Variants in TMEM184B observed in about 807,000 individuals in gnomAD.
TMEM184B encodes transmembrane protein 184B, also known as putative MAPK-activating protein FM08.
A neutral mutation model predicts 41.8 loss-of-function variants in TMEM184B; 17 were observed. The ratio of observed to expected loss-of-function variants is 0.41; its 90% CI spans 0.28 to 0.61. The LOEUF (loss-of-function observed/expected upper bound fraction) is 0.61, where lower values mean the gene tolerates loss of function less well. Among genes scored for constraint, TMEM184B ranks in the 20% least tolerant of loss-of-function variants. The pLI is 0.34. For synonymous variants in TMEM184B, 240 were observed against 229.5 expected, an observed-to-expected ratio of 1.05 and a Z score of -0.41; for missense variants, 393 against 557.8, an observed-to-expected ratio of 0.70 and a Z score of 2.98.
intron 1 of TMEM184B, among the ~76,000 whole-genome samples, chr22:38,264,884 C>T (rs1173346104): frequency 6.6e-6 from 1 of 152,200 alleles, no homozygotes; most frequent in African/African-American, 2.4e-5. Context: ...CAGCCCAAGC[C>T]GTGCTCCCAC....
intron 1 of TMEM184B, among the ~76,000 whole-genome samples, chr22:38,265,290 C>T (rs564130289): frequency 9.8e-5 from 15 of 152,294 alleles, no homozygotes; most frequent in East Asian, 1.9e-4. Flanking sequence ...CAGAGAGCAC[C>T]GGCTCCTCAG....
Position 38,226,555 on chromosome 22 carries a change from C to A in TMEM184B, c.617+224G>T, listed in dbSNP as rs1280321072. On this transcript the variant is annotated intron_variant, in intron 6 of 8. Coordinates refer to ENST00000361906, the MANE Select transcript of TMEM184B (RefSeq NM_012264.5). The surrounding 1 kb of genome is among the most constrained non-coding windows in gnomAD (Gnocchi z 4.6). ...TCCCTTCATGGTACCACTCTGCAGCCTGGACATGAACGTGACTGCTGCCAA... is the reference window on the plus strand; with the variant it reads ...TCCCTTCATGGTACCACTCTGCAGCATGGACATGAACGTGACTGCTGCCAA... 8.0e-6 allele frequency: 4 copies of A among 502,908 alleles called. No individual in the cohort carries two copies. The highest frequency in any genetic ancestry group is 5.8e-5 in the African/African-American group (3 of 51,592). The allele number at this position is 502,908 out of a possible 1,614,324, so 31.2% of individuals were successfully genotyped here. A position where few individuals can be genotyped will look rare whatever the true frequency, so the allele number is the denominator to read the frequency against.
chr22:38,220,466 A>G lies in TMEM184B; in HGVS notation c.*1003T>C. On this transcript the variant is annotated 3_prime_UTR_variant, in exon 9 of 9. Transcript: ENST00000361906. ...GGGGCCCCGAGAGGAGTCTGGGACCATTCCCCCCACCTCCCAGCTCCCCAC... is the reference window on the plus strand; with the variant it reads ...GGGGCCCCGAGAGGAGTCTGGGACCGTTCCCCCCACCTCCCAGCTCCCCAC... 1 of 985,818 alleles carries G rather than the reference A, an allele frequency of 1.0e-6. No individual in the cohort carries two copies. The highest frequency in any genetic ancestry group is 1.2e-6 in the Non-Finnish European group (1 of 829,982). The allele number at this position is 985,818 out of a possible 1,614,324, so 61.1% of individuals were successfully genotyped here.
intron 1 of TMEM184B, among the ~76,000 whole-genome samples, chr22:38,251,086 C>T (rs971721962): frequency 1.3e-5 from 2 of 152,270 alleles, no homozygotes; most frequent in South Asian, 4.1e-4. Flanking sequence ...TGGCCATACC[C>T]TTCCTCCCAT....
intron 5 of TMEM184B, among the ~76,000 whole-genome samples, chr22:38,228,094 AGG>A (rs1353499630): frequency 3.9e-5 from 6 of 152,136 alleles, no homozygotes; most frequent in Admixed American, 3.9e-4. Context: ...TGGGTCTTGC[AGG>A]GGAGCCCCAG....
At chr22:38,245,229 CA>C (rs1365677227) in intron 3 of TMEM184B, among the ~76,000 whole-genome samples, 1 of 152,224 alleles carries the variant, frequency 6.6e-6, no homozygotes, top group Non-Finnish European at 1.5e-5. Flanking sequence ...GGGGTCTCTA[CA>C]AACAGACCAC....
intron 5 of TMEM184B, among the ~76,000 whole-genome samples, chr22:38,227,574 G>A (rs1253518275): frequency 1.3e-5 from 2 of 152,104 alleles, no homozygotes; most frequent in African/African-American, 2.4e-5. Flanking sequence ...GGTCAGCAGA[G>A]GTCACTCTGG....
intron 1 of TMEM184B, among the ~76,000 whole-genome samples, chr22:38,263,089 G>A (rs534441530): frequency 4.3e-4 from 65 of 152,254 alleles, no homozygotes; most frequent in African/African-American, 1.5e-3. Flanking sequence ...TTTTAGTGGA[G>A]ATGGGGTTTC....
chr22:38,250,497 A>T (rs571697186), intron 1 of TMEM184B, among the ~76,000 whole-genome samples: 1 of 152,274 alleles, frequency 6.6e-6, no homozygotes, highest in Non-Finnish European at 1.5e-5. Flanking sequence ...AGACACAGTG[A>T]CAAGTCCAAG....
intron 3 of TMEM184B, 180 bp from the exon 4 acceptor site, chr22:38,231,514 A>C: frequency 2.8e-6 from 2 of 711,418 alleles, no homozygotes. Context: ...CTGACCTCCC[A>C]CTCCTAAGTT....
Position 38,224,983 on chromosome 22 carries a change from G to A in TMEM184B, c.788-4C>T, listed in dbSNP as rs1220124045. The stretch of plus-strand genomic sequence containing the variant: ...TCCAGGATGGCCAGGAGCATGCCTG[G>A]ATGGGGAGGCACGGGTGTCTGGACC... On this transcript the variant is annotated splice_region_variant and splice_polypyrimidine_tract_variant and intron_variant, in intron 7 of 8. Transcript: ENST00000361906. The A allele has an allele frequency of 6.4e-7, 1 of 1,556,068 alleles. No homozygotes were observed. The highest frequency in any genetic ancestry group is 1.2e-5 in the South Asian group (1 of 85,534).
chr22:38,217,738 A>G (rs2091166839), downstream of TMEM184B, among the ~76,000 whole-genome samples: 1 of 145,902 alleles, frequency 6.9e-6, no homozygotes, highest in Non-Finnish European at 1.5e-5. Context: ...TTGAGACAAG[A>G]GAGAATCGCT....
rs1282450848 is a variant in TMEM184B at position 38,225,857 on chromosome 22, G to A, written c.618-264C>T. On this transcript the variant is annotated intron_variant, in intron 6 of 8. Transcript: ENST00000361906. This position sits in a 1 kb window ranked among gnomAD's most constrained non-coding sequence, Gnocchi z 4.4. Reference sequence around the variant, plus strand: ...CCCTGGTGCCCACACTCCTAACGTTGGACACCAGTGTGGAAGCCAGGGCCG... The same window carrying A: ...CCCTGGTGCCCACACTCCTAACGTTAGACACCAGTGTGGAAGCCAGGGCCG... Among the ~76,000 whole-genome samples the A allele has an allele frequency of 1.3e-5, 2 of 152,176 alleles. No individual in the cohort carries two copies. Among genetic ancestry groups the A allele is most frequent in the Non-Finnish European group, 2.9e-5 (2 of 68,042 alleles).
intron 1 of TMEM184B, among the ~76,000 whole-genome samples, chr22:38,271,072 A>G (rs371567508): frequency 6.6e-5 from 10 of 152,218 alleles, no homozygotes; most frequent in African/African-American, 2.4e-4. Flanking sequence ...CGTGGGTGCA[A>G]CAAATAAGAC....
At chr22:38,230,896 G>T in intron 4 of TMEM184B, 152 bp from the exon 5 acceptor site, 1 of 749,832 alleles carries the variant, frequency 1.3e-6, no homozygotes, top group South Asian at 1.6e-5. Context: ...CACAGGGAGA[G>T]GCATGGCAGG....
At chr22:38,256,098 C>A (rs2092273811) in intron 1 of TMEM184B, among the ~76,000 whole-genome samples, 1 of 152,154 alleles carries the variant, frequency 6.6e-6, no homozygotes, top group Non-Finnish European at 1.5e-5. Context: ...CGCCTGTAAT[C>A]CCAGCACTTT....
intron 1 of TMEM184B, among the ~76,000 whole-genome samples, chr22:38,250,000 C>T (rs1235089926): frequency 1.3e-5 from 2 of 152,254 alleles, no homozygotes; most frequent in Admixed American, 6.5e-5. Flanking sequence ...CAACCAGCCA[C>T]GTGGGTTCCC....
At chr22:38,222,365 G>A (rs1182346661) in intron 8 of TMEM184B, 1 of 157,364 alleles carries the variant, frequency 6.4e-6, no homozygotes, top group African/African-American at 2.4e-5. Context: ...GACTCAGCTT[G>A]TGAACTCTTG....
intron 1 of TMEM184B, among the ~76,000 whole-genome samples, chr22:38,263,740 A>G (rs1477215452): frequency 6.6e-6 from 1 of 152,260 alleles, no homozygotes; most frequent in East Asian, 1.9e-4. Context: ...AGAGAGGCAC[A>G]GTACATTTAA....
Sources: gnomAD v4.1 joint callset for allele counts (sites outside exome capture counted in the v4.1 genomes callset) on GRCh38, gnomAD v4.1.1 for gene constraint, Gnocchi (gnomAD v3.1) non-coding constraint, MANE v1.5 for transcripts, NCBI Gene and HGNC (gene_info 2026-07-23, HGNC 2026-07-21) for gene names.